Variants in DNAJB1 observed in about 807,000 individuals in gnomAD.
The protein encoded by DNAJB1 is DnaJ heat shock protein family (Hsp40) member B1.
Under a neutral mutation model 24.0 loss-of-function variants are expected in DNAJB1, and 14 were observed. That is an observed-to-expected ratio of 0.58 (90% CI 0.39 to 0.91). The LOEUF (loss-of-function observed/expected upper bound fraction) is 0.91, where lower values mean the gene tolerates loss of function less well. Ranked by LOEUF, DNAJB1 falls within the 40% of genes least tolerant of loss-of-function variation. DNAJB1 has a pLI of 0.00. For synonymous variants in DNAJB1, 262 were observed against 174.4 expected (o/e 1.50, Z -3.96); for missense variants, 517 against 458.1 (o/e 1.13, Z -1.17).
At chr19:14,544,526 C>CT (rs1272199441) in intron 1 of DNAJB1, among the ~76,000 whole-genome samples, 2 of 151,888 alleles carry the variant, frequency 1.3e-5, no homozygotes, top group African/African-American at 4.8e-5. Flanking sequence ...GCAGGTCTGG[C>CT]TTTGAGTGCG....
intron 1 of DNAJB1, 36 bp downstream of exon 1, chr19:14,518,103 A>C: frequency 1.4e-6 from 2 of 1,430,978 alleles, no homozygotes; most frequent in Non-Finnish European, 1.8e-6. Context: ...CTGTCTGTCA[A>C]AAGGCGGGGC....
chr19:14,522,233 G>A (rs187128470), upstream of DNAJB1, among the ~76,000 whole-genome samples: 6 of 152,176 alleles, frequency 3.9e-5, no homozygotes, highest in Admixed American at 2.0e-4. Context: ...AGGTTAGCAC[G>A]TCTACAGTTG....
upstream of DNAJB1, among the ~76,000 whole-genome samples, chr19:14,552,508 A>C (rs930536940): frequency 1.3e-5 from 2 of 150,198 alleles, no homozygotes; most frequent in Non-Finnish European, 3.0e-5. Context: ...AAGCCACGTA[A>C]CAGGCATCAC....
At chr19:14,529,525 G>C, upstream of DNAJB1, 1 of 860,196 alleles carries the variant, frequency 1.2e-6, no homozygotes, top group Non-Finnish European at 1.9e-6. Context: ...GGCGAACGTG[G>C]GCGCCTCGTG....
upstream of DNAJB1, chr19:14,530,207 G>C (rs1338438039): frequency 5.6e-6 from 1 of 177,864 alleles, no homozygotes; most frequent in East Asian, 1.4e-4. Context: ...GCAGCTCCAC[G>C]GCTGGCTTTC....
chr19:14,529,632 C>A (rs546240195), upstream of DNAJB1: 17 of 1,612,540 alleles, frequency 1.1e-5, no homozygotes, highest in Non-Finnish European at 1.4e-5. Context: ...CTGTAGGGAG[C>A]CTGTGCTGTG....
chr19:14,540,331 G>A (rs1327427765), intron 1 of DNAJB1, among the ~76,000 whole-genome samples: 7 of 151,966 alleles, frequency 4.6e-5, no homozygotes, highest in Non-Finnish European at 1.0e-4. Context: ...GCCTCCCAAA[G>A]TGTTGGGATT....
At chr19:14,525,500 G>A (rs889069916) in intron 2 of DNAJB1, among the ~76,000 whole-genome samples, 3 of 151,654 alleles carry the variant, frequency 2.0e-5, no homozygotes, top group African/African-American at 7.3e-5. Context: ...AATGAGCTAC[G>A]GATACAAAAA....
intron 1 of DNAJB1, chr19:14,517,305 T>C (rs868393929): frequency 2.1e-6 from 1 of 478,864 alleles, no homozygotes; most frequent in Admixed American, 3.6e-5. Context: ...ACCTAGGCCC[T>C]GCCACTCCTG....
In DNAJB1 at chr19:14,543,728, G is replaced by A. The variant is rs1488447337; in HGVS notation, c.-214+6480C>T. Among the ~76,000 whole-genome samples, 2 of 148,742 alleles carry A rather than the reference G, an allele frequency of 1.3e-5. 1 individual carries two copies. Among genetic ancestry groups the A allele is most frequent in the South Asian group, 4.2e-4 (2 of 4,706 alleles). On this transcript the variant is annotated intron_variant, in intron 1 of 3. Coordinates refer to the DNAJB1 transcript ENST00000676982. ...GCTGGGATTACAGGCGTGAGCCACC[G>A]CGCCCGGCTATATATATATTTTTAA...
At chr19:14,518,030 C>A in intron 1 of DNAJB1, 109 bp downstream of exon 1, 1 of 1,218,804 alleles carries the variant, frequency 8.2e-7, no homozygotes, top group Non-Finnish European at 1.1e-6. Flanking sequence ...GGCAGCTCGG[C>A]CCCACGGCCC....
chr19:14,552,783 G>A (rs375023447), upstream of DNAJB1, among the ~76,000 whole-genome samples: 17 of 151,664 alleles, frequency 1.1e-4, no homozygotes, highest in African/African-American at 3.9e-4. Context: ...TGATCCACCC[G>A]CCTCGGCCTC....
Position 14,516,907 on chromosome 19 carries a change from C to T in DNAJB1, c.351G>A (p.Gly117=). ...GGRNPFDTFF[G]QRNGEEGMDI... ...CCATGCCTTCCTCCCCGTTCCGCTG[C>T]CCAAAAAAGGTGTCAAAGGGATTTC... The change falls in exon 2 of 3, where the codon GGG becomes GGA. Residue 117 remains glycine, a synonymous_variant. Coordinates refer to ENST00000254322, the MANE Select transcript of DNAJB1 (RefSeq NM_006145.3). 6.2e-7 allele frequency: 1 copy of T among 1,614,004 alleles called. No individual in the cohort carries two copies.
intron 1 of DNAJB1, among the ~76,000 whole-genome samples, chr19:14,539,060 G>A (rs1179701025): frequency 2.1e-4 from 31 of 146,088 alleles, no homozygotes; most frequent in Admixed American, 1.2e-3. Context: ...TGCAATCTCC[G>A]CCTCCCGGGT....
At chr19:14,525,632 G>C (rs1333858951) in intron 2 of DNAJB1, among the ~76,000 whole-genome samples, 1 of 152,168 alleles carries the variant, frequency 6.6e-6, no homozygotes, top group Non-Finnish European at 1.5e-5. Context: ...ACAGAAAGCA[G>C]ATGAATGCTT....
upstream of DNAJB1, among the ~76,000 whole-genome samples, chr19:14,533,264 T>G (rs1356909952): frequency 2.6e-5 from 4 of 151,178 alleles, no homozygotes; most frequent in African/African-American, 9.7e-5. Context: ...CTACAAAAAA[T>G]AAAAAATTAG....
rs531928885 is a variant in DNAJB1, at chr19:14,515,073, C to T, written c.*867G>A. The T allele has an allele frequency of 6.6e-6, 1 of 152,664 alleles. No individual in the cohort carries two copies. The highest frequency in any genetic ancestry group is 6.5e-5 in the Admixed American group (1 of 15,282). 9.5% of individuals were successfully genotyped at this position (152,664 alleles called of 1,614,324 possible). ...GCTCCTGTAATCAGAAGCAAAGACC[C>T]TTTTATCAAAAGGGATTGTATCTAG... On this transcript the variant is annotated 3_prime_UTR_variant, in exon 3 of 3. Transcript: ENST00000254322.
intron 1 of DNAJB1, among the ~76,000 whole-genome samples, chr19:14,539,919 G>T (rs150937619): frequency 0.016 from 2,322 of 149,484 alleles, 44 homozygotes; most frequent in African/African-American, 0.051. Context: ...CTGCCCTGTT[G>T]CCCAGGCTGG....
chr19:14,524,883 G>T, intron 2 of DNAJB1, among the ~76,000 whole-genome samples: 1 of 144,304 alleles, frequency 6.9e-6, no homozygotes, highest in African/African-American at 2.6e-5. Flanking sequence ...ATAGCCATAT[G>T]AGCCAACAAT....
Sources: gnomAD v4.1 joint callset for allele counts (sites outside exome capture counted in the v4.1 genomes callset) on GRCh38, gnomAD v4.1.1 for gene constraint, MANE v1.5 for transcripts, NCBI Gene and HGNC (gene_info 2026-07-23, HGNC 2026-07-21) for gene names.